RBM19: variants seen among roughly 807,000 people sequenced by gnomAD.
RBM19 encodes the protein RNA binding motif protein 19.
Under a neutral mutation model 116.8 loss-of-function variants are expected in RBM19, and 94 were observed. The ratio of observed to expected loss-of-function variants is 0.80; its 90% CI spans 0.68 to 0.95. RBM19 has a LOEUF of 0.95. RBM19 is among the 40% of genes least tolerant of loss of function. The pLI, the probability that RBM19 is intolerant of heterozygous loss-of-function variation, is 0.00. For synonymous variants in RBM19, 475 were observed against 494.1 expected (o/e 0.96, Z 0.51); for missense variants, 1,161 against 1,220.7 (o/e 0.95, Z 0.73).
At chr12:113,959,507 G>T in intron 4 of RBM19, 103 bp from the exon 5 acceptor site, 4 of 1,280,136 alleles carry the variant, frequency 3.1e-6, no homozygotes, top group Non-Finnish European at 4.3e-6. Context: ...TTAAGAGGGT[G>T]AGAAGATCCC....
At chr12:113,941,669 C>A (rs755294461) in intron 14 of RBM19, among the ~76,000 whole-genome samples, 2 of 152,130 alleles carry the variant, frequency 1.3e-5, no homozygotes, top group Admixed American at 1.3e-4. Context: ...ATCCATCCAT[C>A]CATCCATCCA....
At chr12:113,906,262 T>C (rs543545587) in intron 21 of RBM19, among the ~76,000 whole-genome samples, 1 of 152,236 alleles carries the variant, frequency 6.6e-6, no homozygotes, top group South Asian at 2.1e-4. Flanking sequence ...ATTCACACAA[T>C]GGAATTCTAG....
At chr12:113,862,011 T>G (rs1593498426) in intron 21 of RBM19, among the ~76,000 whole-genome samples, 1 of 152,308 alleles carries the variant, frequency 6.6e-6, no homozygotes, top group South Asian at 2.1e-4. Flanking sequence ...AGTGAGCAGG[T>G]TTCTTTCCTC....
intron 21 of RBM19, among the ~76,000 whole-genome samples, chr12:113,889,853 AATAC>A (rs1158251607): frequency 3.3e-5 from 5 of 151,960 alleles, no homozygotes; most frequent in Non-Finnish European, 5.9e-5. Flanking sequence ...AAGAAGGGAA[AATAC>A]ATGCATTCCA....
At chr12:113,962,630 A>G (rs1872599793) in intron 1 of RBM19, among the ~76,000 whole-genome samples, 1 of 152,238 alleles carries the variant, frequency 6.6e-6, no homozygotes, top group African/African-American at 2.4e-5. Flanking sequence ...TGATGTGGAA[A>G]TCATGACTCA....
intron 10 of RBM19, among the ~76,000 whole-genome samples, chr12:113,948,021 G>A (rs924575526): frequency 6.6e-6 from 1 of 152,206 alleles, no homozygotes; most frequent in East Asian, 1.9e-4. Flanking sequence ...GCAGACTGGT[G>A]AATGGAACAC....
In RBM19 at chr12:113,940,248, C is replaced by T. The variant is rs576972683; in HGVS notation, c.1738-88G>A. 8 of 1,371,326 alleles carry T rather than the reference C, an allele frequency of 5.8e-6. No homozygotes were observed. In the African/African-American group the frequency reaches 1.0e-4, roughly 17 times the overall value. The allele number at this position is 1,371,326 out of a possible 1,614,324, so 84.9% of individuals were successfully genotyped here. A position where few individuals can be genotyped will look rare whatever the true frequency, so the allele number is the denominator to read the frequency against. On this transcript the variant is annotated intron_variant, in intron 14 of 23. Coordinates refer to ENST00000261741, the MANE Select transcript of RBM19 (RefSeq NM_016196.4). ...AGCAGGGATCGTGGGGCTCTCCAGACAAGGCTCTCCATTTGGAACCTCAGC... is the reference window on the plus strand; with the variant it reads ...AGCAGGGATCGTGGGGCTCTCCAGATAAGGCTCTCCATTTGGAACCTCAGC...
intron 6 of RBM19, 103 bp from the exon 7 acceptor site, chr12:113,955,314 G>A (rs1330581490): frequency 1.2e-5 from 13 of 1,091,154 alleles, no homozygotes; most frequent in Admixed American, 1.8e-5. Context: ...GGTGCCTGCC[G>A]CCAGGGGGAG....
At chr12:113,867,013 A>T (rs75934754) in intron 21 of RBM19, among the ~76,000 whole-genome samples, 10,057 of 152,262 alleles carry the variant, frequency 0.066, 645 homozygotes, top group East Asian at 0.34. Flanking sequence ...GCTGGTCTAT[A>T]TCCCTAAATA....
intron 16 of RBM19, among the ~76,000 whole-genome samples, chr12:113,927,725 G>T (rs547456253): frequency 4.8e-4 from 73 of 151,982 alleles, no homozygotes; most frequent in Admixed American, 4.8e-3. Context: ...TGAACCTAAA[G>T]AATGTTACAT....
At chr12:113,944,756 C>T (rs139083734) in intron 13 of RBM19, among the ~76,000 whole-genome samples, 124 of 151,958 alleles carry the variant, frequency 8.2e-4, no homozygotes, top group Admixed American at 5.4e-3. Flanking sequence ...GAGCTATGGT[C>T]ATGTCACTGC....
At chr12:113,870,821 C>G (rs908885819) in intron 21 of RBM19, among the ~76,000 whole-genome samples, 2 of 152,138 alleles carry the variant, frequency 1.3e-5, no homozygotes, top group Non-Finnish European at 2.9e-5. Context: ...AGGAAGACAT[C>G]CCAGGGAGAT....
intron 22 of RBM19, among the ~76,000 whole-genome samples, chr12:113,845,700 G>A (rs975994417): frequency 3.3e-5 from 5 of 152,174 alleles, no homozygotes; most frequent in African/African-American, 1.2e-4. Flanking sequence ...ATACGGTAGT[G>A]ATCAGTACCG....
chr12:113,843,564 CA>C (rs1455375970), intron 23 of RBM19, among the ~76,000 whole-genome samples: 1 of 152,200 alleles, frequency 6.6e-6, no homozygotes, highest in Non-Finnish European at 1.5e-5. Flanking sequence ...AAGCGGGATC[CA>C]AAGTGGGTGG....
At chr12:113,832,096 A>T (rs548428379) in intron 23 of RBM19, among the ~76,000 whole-genome samples, 1 of 152,292 alleles carries the variant, frequency 6.6e-6, no homozygotes, top group East Asian at 1.9e-4. Context: ...TTTCCCAGGC[A>T]ACCTCAACCT....
intron 5 of RBM19, among the ~76,000 whole-genome samples, chr12:113,958,723 T>C (rs1356214988): frequency 6.6e-6 from 1 of 152,130 alleles, no homozygotes; most frequent in Admixed American, 6.5e-5. Flanking sequence ...GTTGCAACTG[T>C]TTTCTTGCCC....
intron 16 of RBM19, among the ~76,000 whole-genome samples, chr12:113,936,593 T>C (rs1870086798): frequency 6.6e-6 from 1 of 152,148 alleles, no homozygotes; most frequent in African/African-American, 2.4e-5. Context: ...GGCCACGGCT[T>C]CCCCTTCCTT....
intron 21 of RBM19, among the ~76,000 whole-genome samples, chr12:113,881,629 CT>C (rs1166015368): frequency 2.0e-5 from 3 of 152,194 alleles, no homozygotes; most frequent in African/African-American, 7.2e-5. Flanking sequence ...CAGCCTCTCT[CT>C]TTCCCTCAAG....
At chr12:113,914,513 A>C (rs1038996179) in intron 21 of RBM19, among the ~76,000 whole-genome samples, 6 of 152,072 alleles carry the variant, frequency 3.9e-5, no homozygotes, top group African/African-American at 1.4e-4. Flanking sequence ...ATGGAATCCA[A>C]CTCTCTGGGG....
Sources: gnomAD v4.1 joint callset for allele counts (sites outside exome capture counted in the v4.1 genomes callset) on GRCh38, gnomAD v4.1.1 for gene constraint, MANE v1.5 for transcripts, NCBI Gene and HGNC (gene_info 2026-07-23, HGNC 2026-07-21) for gene names.